The following NBAS variants were observed in gnomAD, a reference collection of about 807,000 sequenced individuals.
NBAS encodes NBAS subunit of NRZ tethering complex, also known as NAG/BC035112 fusion.
Under a neutral mutation model 302.5 loss-of-function variants are expected in NBAS, and 219 were observed. The ratio of observed to expected loss-of-function variants is 0.72; its 90% confidence interval spans 0.65 to 0.81. The LOEUF (loss-of-function observed/expected upper bound fraction) is 0.81. NBAS is among the 30% of genes least tolerant of loss of function. The pLI, the probability that NBAS is intolerant of heterozygous loss-of-function variation, is 0.00. For missense variants in NBAS, 2,932 were observed against 2,841.6 expected, an observed-to-expected ratio of 1.03 and a Z score of -0.72; for synonymous variants, 1,118 against 1,021.6, an observed-to-expected ratio of 1.09 and a Z score of -1.80.
At chr2:14,931,858 T>C in the NBAS span, among the ~76,000 whole-genome samples, 2 of 152,260 alleles carry the variant, frequency 1.3e-5, no homozygotes, top group Non-Finnish European at 2.9e-5. Flanking sequence ...ATACAATCCG[T>C]ATTTACTATC....
At chr2:14,784,777 T>G in the NBAS span, among the ~76,000 whole-genome samples, 9 of 152,118 alleles carry the variant, frequency 5.9e-5, no homozygotes, top group Non-Finnish European at 1.0e-4. Context: ...TGTTCTTTTG[T>G]CTTAGGATTG....
chr2:15,048,508 G>T, the NBAS span, among the ~76,000 whole-genome samples: 1 of 152,234 alleles, frequency 6.6e-6, no homozygotes, highest in Non-Finnish European at 1.5e-5. Flanking sequence ...TGCCTGGGAA[G>T]ACACTGGGTC....
At chr2:15,519,179 T>G (rs1572960465) in intron 9 of NBAS, among the ~76,000 whole-genome samples, 1 of 152,210 alleles carries the variant, frequency 6.6e-6, no homozygotes, top group Non-Finnish European at 1.5e-5. Context: ...CTAAACTGCA[T>G]ATAACCAATA....
the NBAS span, among the ~76,000 whole-genome samples, chr2:14,992,135 G>C: frequency 6.6e-6 from 1 of 152,204 alleles, no homozygotes; most frequent in African/African-American, 2.4e-5. Context: ...AGGAGGTCCA[G>C]ATTGGTGACA....
chr2:15,043,500 G>T, the NBAS span, among the ~76,000 whole-genome samples: 1 of 152,258 alleles, frequency 6.6e-6, no homozygotes, highest in Non-Finnish European at 1.5e-5. Context: ...ATCTTGGCCA[G>T]GACACAGGAC....
intron 41 of NBAS, among the ~76,000 whole-genome samples, chr2:15,289,797 A>T (rs1308909186): frequency 6.6e-6 from 1 of 152,118 alleles, no homozygotes; most frequent in Non-Finnish European, 1.5e-5. Context: ...GGAGATTGAG[A>T]CCATCCTAGC....
At chr2:15,548,416 T>C (rs1465051021) in intron 6 of NBAS, among the ~76,000 whole-genome samples, 1 of 151,928 alleles carries the variant, frequency 6.6e-6, no homozygotes, top group Non-Finnish European at 1.5e-5. Flanking sequence ...CTGAGGCAGG[T>C]GGATCACCTG....
chr2:15,410,681 C>G (rs1484583289), intron 25 of NBAS, among the ~76,000 whole-genome samples: 1 of 152,192 alleles, frequency 6.6e-6, no homozygotes, highest in East Asian at 1.9e-4. Flanking sequence ...ATTTGCTACT[C>G]TCAAAAAATT....
At chr2:15,264,809 A>G (rs1669003000) in intron 44 of NBAS, among the ~76,000 whole-genome samples, 1 of 152,130 alleles carries the variant, frequency 6.6e-6, no homozygotes, top group South Asian at 2.1e-4. Flanking sequence ...CCTCTTATAT[A>G]ATAGCATCTG....
chr2:14,935,759 G>C, the NBAS span, among the ~76,000 whole-genome samples: 2 of 152,176 alleles, frequency 1.3e-5, no homozygotes, highest in African/African-American at 4.8e-5. Context: ...GTGCCCTCTG[G>C]TCTGTCTGCC....
At chr2:15,434,098 CT>C (rs1408215965) in intron 21 of NBAS, among the ~76,000 whole-genome samples, 1 of 151,966 alleles carries the variant, frequency 6.6e-6, no homozygotes, top group Non-Finnish European at 1.5e-5. Flanking sequence ...GCATTCCAGC[CT>C]GGATGACAGA....
At chr2:15,212,893 C>G (rs956858391) in intron 48 of NBAS, among the ~76,000 whole-genome samples, 2 of 152,164 alleles carry the variant, frequency 1.3e-5, no homozygotes, top group African/African-American at 4.8e-5. Flanking sequence ...TATAAACTAT[C>G]CAGTTGCGGG....
chr2:15,240,775 A>T (rs1186987699), intron 44 of NBAS, among the ~76,000 whole-genome samples: 2 of 152,180 alleles, frequency 1.3e-5, no homozygotes, highest in Non-Finnish European at 2.9e-5. Context: ...TTCTTACCAG[A>T]TTTCTGGCTC....
chr2:15,476,368 T>G (rs1680192278), intron 13 of NBAS, among the ~76,000 whole-genome samples: 1 of 152,030 alleles, frequency 6.6e-6, no homozygotes, highest in Admixed American at 6.6e-5. Context: ...CCTCTTAAAC[T>G]TGTAACTAAT....
chr2:15,416,962 G>C (rs965350864), intron 24 of NBAS, among the ~76,000 whole-genome samples: 1 of 152,094 alleles, frequency 6.6e-6, no homozygotes, highest in African/African-American at 2.4e-5. Flanking sequence ...CTGCCAACAA[G>C]CAAAAGACTA....
the NBAS span, among the ~76,000 whole-genome samples, chr2:14,786,795 T>A: frequency 6.6e-6 from 1 of 152,142 alleles, no homozygotes. Flanking sequence ...AAATGTATAT[T>A]CTGTTGATTT....
At chr2:15,240,337 G>A (rs961467090) in intron 44 of NBAS, among the ~76,000 whole-genome samples, 1 of 151,638 alleles carries the variant, frequency 6.6e-6, no homozygotes, top group Non-Finnish European at 1.5e-5. Context: ...AATGCTGACA[G>A]GACGCCTGTC....
At chr2:15,136,864 C>T in the NBAS span, among the ~76,000 whole-genome samples, 31 of 152,346 alleles carry the variant, frequency 2.0e-4, no homozygotes, top group African/African-American at 7.5e-4. Flanking sequence ...TTTACTCCCT[C>T]TCTCCTGCTG....
At chr2:15,276,650 G>C (rs1358283204) in intron 43 of NBAS, among the ~76,000 whole-genome samples, 1 of 152,134 alleles carries the variant, frequency 6.6e-6, no homozygotes, top group African/African-American at 2.4e-5. Flanking sequence ...ACTTTCAATA[G>C]GTTTCTTACT....
Sources: allele counts gnomAD v4.1 joint callset (sites outside exome capture counted in the v4.1 genomes callset), GRCh38; gene constraint gnomAD v4.1.1; transcripts MANE v1.5; gene names NCBI Gene and HGNC (gene_info 2026-07-23, HGNC 2026-07-21).